Variants in KPNB1 observed in about 807,000 individuals in gnomAD.
KPNB1 encodes importin subunit beta-1.
In KPNB1, 7 loss-of-function variants were observed where a neutral mutation model predicts 113.0. The observed-to-expected ratio is 0.06, with a 90% CI of 0.04 to 0.12. KPNB1 has a LOEUF of 0.12. KPNB1 is among the 10% of genes least tolerant of loss of function. KPNB1 has a pLI of 1.00. For synonymous variants in KPNB1, 363 were observed against 378.6 expected (o/e 0.96, Z 0.48); for missense variants, 400 against 1,054.8 (o/e 0.38, Z 8.60).
intron 16 of KPNB1, 64 bp downstream of exon 16, chr17:47,676,555 A>T (rs1276453937): frequency 8.1e-7 from 1 of 1,239,416 alleles, no homozygotes; most frequent in African/African-American, 1.5e-5. Flanking sequence ...TAGTGCACGC[A>T]AAACCAGGTT....
intron 18 of KPNB1, 29 bp downstream of exon 18, chr17:47,678,218 TTAAGTC>T (rs201075214): frequency 0.011 from 18,460 of 1,613,832 alleles, 139 homozygotes; most frequent in Non-Finnish European, 0.013. Context: ...TGGCTGTTCT[TTAAGTC>T]TAGCTCTAAT....
chr17:47,666,408 G>A (rs1448518841), intron 9 of KPNB1, among the ~76,000 whole-genome samples: 1 of 144,292 alleles, frequency 6.9e-6, no homozygotes, highest in African/African-American at 2.5e-5. Flanking sequence ...GTGTGTGTGT[G>A]TGTGTGTGTG....
rs142374321 is a variant in KPNB1, at chr17:47,665,113, A to G, written c.954A>G (p.Ala318=). The change falls in exon 9 of 22, where the codon GCA becomes GCG. Residue 318 remains alanine (A), a synonymous_variant. Coordinates refer to ENST00000290158, the MANE Select transcript of KPNB1 (RefSeq NM_002265.6). ...CCAGCAAGTTTTATGCGAAGGGAGC[A>G]CTACAGTATCTGGTTCCAATCCTCA... ...EHTSKFYAKG[A]LQYLVPILTQ... is the part of the protein sequence containing the mutation. 120 of 1,614,100 alleles carry G rather than the reference A, an allele frequency of 7.4e-5. No homozygotes were observed. The highest frequency in any genetic ancestry group is 9.6e-5 in the Non-Finnish European group (113 of 1,180,034).
At chr17:47,658,073 A>G (rs1414049610) in intron 4 of KPNB1, among the ~76,000 whole-genome samples, 1 of 152,166 alleles carries the variant, frequency 6.6e-6, no homozygotes, top group Non-Finnish European at 1.5e-5. Context: ...AGTCTGGGCA[A>G]TACAGACCCT....
chr17:47,657,114 T>C (rs746603698), intron 4 of KPNB1, 54 bp downstream of exon 4: 6 of 1,408,566 alleles, frequency 4.3e-6, no homozygotes, highest in Non-Finnish European at 6.0e-6. Context: ...CCTCTAGCTG[T>C]GACATCAATG....
rs2029930588 is a variant in KPNB1, at chr17:47,657,046, A to C, written c.469A>C (p.Ile157Leu). ...KESTLEAIGY[I>L]CQDIDPEQLQ... ...GTCGACATTGGAAGCCATCGGTTATATTTGCCAAGATATAGTAAGTGCTTG... is the reference window on the plus strand; with the variant it reads ...GTCGACATTGGAAGCCATCGGTTATCTTTGCCAAGATATAGTAAGTGCTTG... Residue 157 changes from isoleucine (I) to leucine (L), a missense_variant, in exon 4 of 22, where the codon ATT becomes CTT. By Grantham distance (5) the Ile-to-Leu change is conservative. Transcript: ENST00000290158. The C allele has an allele frequency of 6.2e-7, 1 of 1,613,874 alleles. No homozygotes were observed. Among genetic ancestry groups the C allele is most frequent in the African/African-American group, 1.3e-5 (1 of 74,906 alleles).
intron 21 of KPNB1, among the ~76,000 whole-genome samples, chr17:47,681,686 GTTTTTT>G (rs59222945): frequency 4.6e-4 from 44 of 96,034 alleles, no homozygotes; most frequent in Non-Finnish European, 7.2e-4. Context: ...GGAATTATAG[GTTTTTT>G]TTTTTTTTTT....
At chr17:47,682,367 A>T (rs781536713) in intron 21 of KPNB1, 37 bp from the exon 22 acceptor site, 1 of 780,894 alleles carries the variant, frequency 1.3e-6, no homozygotes, top group Admixed American at 1.7e-5. Context: ...GGTATATGTG[A>T]TCTCAAAGAT....
chr17:47,680,765 T>C, intron 21 of KPNB1, 96 bp downstream of exon 21: 2 of 1,179,542 alleles, frequency 1.7e-6, no homozygotes, highest in Non-Finnish European at 2.3e-6. Context: ...CCTTCTGGCA[T>C]TTTTTTTGTT....
chr17:47,676,351 G>A, intron 15 of KPNB1, 58 bp from the exon 16 acceptor site: 1 of 1,242,892 alleles, frequency 8.0e-7, no homozygotes, highest in Non-Finnish European at 1.2e-6. Flanking sequence ...GGTTATTTCT[G>A]CCTGCCTCTG....
In KPNB1 at chr17:47,662,570, CTG is replaced by C. The variant is rs745724044; in HGVS notation, c.697-517_697-516del. 6.0e-5 allele frequency among the ~76,000 whole-genome samples: 9 copies of C among 148,804 alleles called. No homozygotes were observed. In the East Asian group the frequency reaches 1.6e-3, roughly 26 times the overall value. On this transcript the variant is annotated intron_variant, in intron 6 of 21. Transcript: ENST00000290158. ...GCACCAGGGCGACAGAGCAAGAAGA[CTG>C]TCTCAAAAAAAAAAAAAAGAGAAAA...
chr17:47,650,063 G>A lies in KPNB1; in HGVS notation c.-182G>A, dbSNP rs932073852. Reference sequence around the variant, plus strand: ...TTGGAGGGAGGAAGTAAGGGAAGAGGAGAGGAAGGGGAGCCGGACCGACTA... The same window carrying A: ...TTGGAGGGAGGAAGTAAGGGAAGAGAAGAGGAAGGGGAGCCGGACCGACTA... On this transcript the variant is annotated 5_prime_UTR_variant, in exon 1 of 22. Coordinates refer to ENST00000290158, the MANE Select transcript of KPNB1 (RefSeq NM_002265.6). 2.0e-5 allele frequency: 28 copies of A among 1,392,196 alleles called. No individual in the cohort carries two copies. The highest frequency in any genetic ancestry group is 3.0e-5 in the African/African-American group (2 of 66,862). 86.2% of individuals were successfully genotyped at this position (1,392,196 alleles called of 1,614,324 possible).
chr17:47,663,717 G>A lies in KPNB1; in HGVS notation c.787-442G>A, dbSNP rs569902071. On this transcript the variant is annotated intron_variant, in intron 7 of 21. Transcript: ENST00000290158. ...TGAAAATCTGAGGCTGGGCATGGTG[G>A]CTCACGCCTGTAATCCCAGCAGTTT... Among the ~76,000 whole-genome samples, 21 of 152,176 alleles carry A rather than the reference G, an allele frequency of 1.4e-4. 1 individual carries two copies. In the South Asian group the frequency reaches 4.1e-3, roughly 30 times the overall value.
Position 47,683,724 on chromosome 17 carries a change from C to T in KPNB1, c.*1320C>T, listed in dbSNP as rs1318839615. 5.9e-5 allele frequency: 1 copy of T among 16,814 alleles called. No homozygotes were observed. The highest frequency in any genetic ancestry group is 1.1e-4 in the Non-Finnish European group (1 of 8,966). The allele number at this position is 16,814 out of a possible 1,614,324, so 1.0% of individuals were successfully genotyped here. On this transcript the variant is annotated 3_prime_UTR_variant, in exon 22 of 22. Transcript: ENST00000290158. ...TCAAAAGCAACCAACAAAACAAAAA[C>T]AAAAAAAAGTGTGTGTTGTGTGAAT... is the stretch of plus-strand genomic sequence containing the variant.
At position 47,664,147 on chromosome 17, in the gene KPNB1, T is replaced by A. The variant is rs758608045; in HGVS notation, c.787-12T>A. 1 of 1,595,912 alleles carries A rather than the reference T, an allele frequency of 6.3e-7. No individual in the cohort carries two copies. The highest frequency in any genetic ancestry group is 1.7e-5 in the Admixed American group (1 of 59,954). On this transcript the variant is annotated splice_polypyrimidine_tract_variant and intron_variant, in intron 7 of 21. Coordinates refer to ENST00000290158, the MANE Select transcript of KPNB1 (RefSeq NM_002265.6). ...GTACTTATTTGGGGCCTGGGGTGTT[T>A]TTCTTCTTAAGATCACAATCGAAGC...
intron 5 of KPNB1, 103 bp from the exon 6 acceptor site, chr17:47,661,016 C>T (rs1209266531): frequency 9.6e-6 from 8 of 830,784 alleles, no homozygotes; most frequent in Middle Eastern, 2.2e-4. Flanking sequence ...CTGTGTGGGG[C>T]CCTGAGGGGG....
chr17:47,661,106 A>G lies in KPNB1; in HGVS notation c.637-13A>G. ...TGCTCTCCTAATTCTCTTTATTTTT[A>G]TTCCTCCTACAGTCTGAAAGGCACT... On this transcript the variant is annotated splice_polypyrimidine_tract_variant and intron_variant, in intron 5 of 21. Transcript: ENST00000290158. 6.2e-7 allele frequency: 1 copy of G among 1,604,446 alleles called. No homozygotes were observed. Among genetic ancestry groups the G allele is most frequent in the Non-Finnish European group, 8.5e-7 (1 of 1,171,260 alleles).
intron 5 of KPNB1, among the ~76,000 whole-genome samples, chr17:47,659,243 G>A (rs546657770): frequency 1.3e-5 from 2 of 152,262 alleles, no homozygotes; most frequent in South Asian, 4.1e-4. Flanking sequence ...CAGCTACTCA[G>A]GAGGCTGAGG....
intron 5 of KPNB1, among the ~76,000 whole-genome samples, chr17:47,659,119 C>G (rs543371494): frequency 7.0e-4 from 107 of 152,126 alleles, no homozygotes; most frequent in African/African-American, 2.5e-3. Flanking sequence ...GAGGCTGAGG[C>G]GGGTGGATCA....
Sources: allele counts gnomAD v4.1 joint callset (sites outside exome capture counted in the v4.1 genomes callset), GRCh38; gene constraint gnomAD v4.1.1; transcripts MANE v1.5; gene names NCBI Gene and HGNC (gene_info 2026-07-23, HGNC 2026-07-21).